EIF4ENIF1: variants seen among roughly 807,000 people sequenced by gnomAD.
EIF4ENIF1 encodes eukaryotic translation initiation factor 4E nuclear import factor 1.
Under a neutral mutation model 110.5 loss-of-function variants are expected in EIF4ENIF1, and 23 were observed. The ratio of observed to expected loss-of-function variants is 0.21; its 90% CI spans 0.15 to 0.29. EIF4ENIF1 has a LOEUF of 0.29. EIF4ENIF1 is among the 10% of genes least tolerant of loss of function. The pLI is 1.00. For missense variants in EIF4ENIF1, 1,031 were observed against 1,221.1 expected (o/e 0.84, Z 2.32); for synonymous variants, 440 against 437.0 (o/e 1.01, Z -0.09).
chr22:31,450,719 G>C (rs2050619520), intron 10 of EIF4ENIF1: 1 of 246,264 alleles, frequency 4.1e-6, no homozygotes. Context: ...ATTTATTGGA[G>C]ACACACACAC....
intron 6 of EIF4ENIF1, among the ~76,000 whole-genome samples, chr22:31,459,069 A>T (rs1360761426): frequency 6.6e-6 from 1 of 151,950 alleles, no homozygotes; most frequent in Admixed American, 6.6e-5. Context: ...CTGGGACCAC[A>T]GGTGCACACC....
Position 31,455,401 on chromosome 22 carries a change from T to A in EIF4ENIF1, c.1100-86A>T, listed in dbSNP as rs544932546. 14 of 1,179,772 alleles carry A rather than the reference T, an allele frequency of 1.2e-5. No individual in the cohort carries two copies. The South Asian group carries it at 3.1e-4, about 27-fold the overall frequency. The allele number at this position is 1,179,772 out of a possible 1,614,324, so 73.1% of individuals were successfully genotyped here. A position where few individuals can be genotyped will look rare whatever the true frequency, so the allele number is the denominator to read the frequency against. ...ACAGTATTTTTCTTTCTTTCTTTTT[T>A]TTTTTTTTTTTCTTTGAGATGGAGT... On this transcript the variant is annotated intron_variant, in intron 8 of 18. Transcript: ENST00000330125.
At chr22:31,487,256 A>G (rs1047515689) in intron 2 of EIF4ENIF1, among the ~76,000 whole-genome samples, 3 of 152,198 alleles carry the variant, frequency 2.0e-5, no homozygotes, top group Non-Finnish European at 4.4e-5. Flanking sequence ...TTTTCTATCA[A>G]CTTACATGCT....
At chr22:31,474,886 C>T (rs185351803) in intron 2 of EIF4ENIF1, among the ~76,000 whole-genome samples, 1 of 152,306 alleles carries the variant, frequency 6.6e-6, no homozygotes, top group East Asian at 1.9e-4. Flanking sequence ...ATGACTTTGG[C>T]AACACTCCCA....
Position 31,487,031 on chromosome 22 carries a change from T to C in EIF4ENIF1, c.96+1592A>G, listed in dbSNP as rs147844649. ...AACTTAGGAGGCAGAGGTGGTGCCATTGCACTCCAGCCTGGGCAACAAGAG... is the reference window on the plus strand; with the variant it reads ...AACTTAGGAGGCAGAGGTGGTGCCACTGCACTCCAGCCTGGGCAACAAGAG... On this transcript the variant is annotated intron_variant, in intron 2 of 18. Transcript: ENST00000330125. Among the ~76,000 whole-genome samples, 783 of 151,752 alleles carry C rather than the reference T, an allele frequency of 5.2e-3. 6 individuals carry two copies. The highest frequency in any genetic ancestry group is 0.017 in the African/African-American group (721 of 41,362).
chr22:31,438,442 C>T (rs2050205010), downstream of EIF4ENIF1, among the ~76,000 whole-genome samples: 1 of 152,166 alleles, frequency 6.6e-6, no homozygotes, highest in African/African-American at 2.4e-5. Flanking sequence ...AATTCTTAGA[C>T]TTCAGTGGGT....
chr22:31,439,877 T>G lies in EIF4ENIF1; in HGVS notation c.*3A>C. 6.2e-7 allele frequency: 1 copy of G among 1,612,698 alleles called. No homozygotes were observed. Among genetic ancestry groups the G allele is most frequent in the Non-Finnish European group, 8.5e-7 (1 of 1,179,998 alleles). On this transcript the variant is annotated 3_prime_UTR_variant, in exon 19 of 19. Transcript: ENST00000330125. ...CGGGCTTAGTTGAGTCTGCCTGCCCTGCTCACTGTCGGTATTCCAATTCAT... is the reference window on the plus strand; with the variant it reads ...CGGGCTTAGTTGAGTCTGCCTGCCCGGCTCACTGTCGGTATTCCAATTCAT...
chr22:31,478,216 T>C (rs2051663783), intron 2 of EIF4ENIF1, among the ~76,000 whole-genome samples: 1 of 152,050 alleles, frequency 6.6e-6, no homozygotes, highest in Non-Finnish European at 1.5e-5. Flanking sequence ...AACCATGAGC[T>C]AAGTCAATAC....
chr22:31,437,220 C>G (rs2050183534), downstream of EIF4ENIF1: 1 of 152,220 alleles, frequency 6.6e-6, no homozygotes, highest in Non-Finnish European at 1.5e-5. Context: ...AACAGATTTT[C>G]CATGATATGC....
chr22:31,457,343 TA>T (rs1417418025), intron 7 of EIF4ENIF1, among the ~76,000 whole-genome samples: 2 of 152,184 alleles, frequency 1.3e-5, no homozygotes, highest in Non-Finnish European at 2.9e-5. Context: ...TTTAAGCATT[TA>T]AAAAATTTTT....
At chr22:31,438,440 G>GA (rs2050204939), downstream of EIF4ENIF1, among the ~76,000 whole-genome samples, 1 of 152,208 alleles carries the variant, frequency 6.6e-6, no homozygotes, top group East Asian at 1.9e-4. Context: ...GAAATTCTTA[G>GA]ACTTCAGTGG....
chr22:31,470,226 C>A (rs1376860523), intron 3 of EIF4ENIF1, among the ~76,000 whole-genome samples: 1 of 137,136 alleles, frequency 7.3e-6, no homozygotes, highest in Non-Finnish European at 1.5e-5. Flanking sequence ...ATTCAAGTAT[C>A]AAGTATCACC....
rs1176388249 is a variant in EIF4ENIF1, at chr22:31,439,414, T to A, written c.*466A>T. The A allele has an allele frequency of 6.4e-6, 1 of 155,958 alleles. No individual in the cohort carries two copies. Among genetic ancestry groups the A allele is most frequent in the African/African-American group, 2.4e-5 (1 of 41,356 alleles). 9.7% of individuals were successfully genotyped at this position (155,958 alleles called of 1,614,324 possible). On this transcript the variant is annotated 3_prime_UTR_variant, in exon 19 of 19. Coordinates refer to ENST00000330125, the MANE Select transcript of EIF4ENIF1 (RefSeq NM_019843.4). ...GCAATTTTAATCAACCAAAAGAAAA[T>A]CCCAAATGTACAAGTGAAAAAAATC...
rs1372431335 is a variant in EIF4ENIF1, at chr22:31,455,853, T to C, written c.1098A>G (p.Ala366=). The C allele has an allele frequency of 6.2e-7, 1 of 1,613,732 alleles. No individual in the cohort carries two copies. Among genetic ancestry groups the C allele is most frequent in the African/African-American group, 1.3e-5 (1 of 74,900 alleles). Reference sequence around the variant, plus strand: ...GGGCAGAATCTGAAGCCATTTTACCTGCAAGTCTCTCTAGCTCTTCATGTG... The same window carrying C: ...GGGCAGAATCTGAAGCCATTTTACCCGCAAGTCTCTCTAGCTCTTCATGTG... ...STPHEELERL[A]GLEQAILSPG... is the part of the protein sequence containing the mutation. The change falls in exon 8 of 19, where the codon GCA becomes GCG. Residue 366 remains alanine (A), a splice_region_variant and synonymous_variant. Transcript: ENST00000330125.
chr22:31,482,291 C>G (rs1367952857), intron 2 of EIF4ENIF1, among the ~76,000 whole-genome samples: 1 of 152,156 alleles, frequency 6.6e-6, no homozygotes, highest in African/African-American at 2.4e-5. Flanking sequence ...TGCTTTTATT[C>G]CCTGTCCAAC....
chr22:31,437,821 G>A (rs965072868), downstream of EIF4ENIF1: 2 of 152,204 alleles, frequency 1.3e-5, no homozygotes, highest in African/African-American at 4.8e-5. Flanking sequence ...GCTTCCACCT[G>A]TGGAAACCAG....
At chr22:31,455,773 T>A (rs1428698938) in intron 8 of EIF4ENIF1, 79 bp downstream of exon 8, 11 of 1,574,418 alleles carry the variant, frequency 7.0e-6, no homozygotes. Context: ...AATTGACTCC[T>A]GACTAATGAA....
At chr22:31,455,803 G>A in intron 8 of EIF4ENIF1, 49 bp downstream of exon 8, 1 of 1,609,464 alleles carries the variant, frequency 6.2e-7, no homozygotes, top group Non-Finnish European at 8.5e-7. Context: ...AACCATATCA[G>A]GGAAAAACCC....
At chr22:31,468,725 A>C (rs1186992457) in intron 3 of EIF4ENIF1, among the ~76,000 whole-genome samples, 6 of 152,164 alleles carry the variant, frequency 3.9e-5, no homozygotes, top group Non-Finnish European at 8.8e-5. Context: ...AAGCTTCATG[A>C]CTGCCTGCAG....
Sources: allele counts gnomAD v4.1 joint callset (sites outside exome capture counted in the v4.1 genomes callset), GRCh38; gene constraint gnomAD v4.1.1; transcripts MANE v1.5; gene names NCBI Gene and HGNC (gene_info 2026-07-23, HGNC 2026-07-21).